The following UGT1A5 variants were observed in gnomAD, a reference collection of about 807,000 sequenced individuals.
UGT1A5 encodes UDP glucuronosyltransferase family 1 member A5.
UGT1A5 carries 29 observed loss-of-function variants against 40.3 expected under a neutral mutation model. That is an observed-to-expected ratio of 0.72 (90% CI 0.54 to 0.98). The LOEUF (loss-of-function observed/expected upper bound fraction) is 0.98. Among genes scored for constraint, UGT1A5 ranks in the 50% least tolerant of loss-of-function variants. The pLI, the probability that UGT1A5 is intolerant of heterozygous loss-of-function variation, is 0.00. For synonymous variants in UGT1A5, 257 were observed against 262.5 expected (o/e 0.98, Z 0.20); for missense variants, 678 against 677.9 (o/e 1.00, Z 0.00).
At chr2:233,764,548 G>A (rs1431186890) in intron 1 of UGT1A5, among the ~76,000 whole-genome samples, 1 of 152,168 alleles carries the variant, frequency 6.6e-6, no homozygotes, top group African/African-American at 2.4e-5. Context: ...TGGGCGTGTG[G>A]GAGGGTGTGC....
chr2:233,723,213 CT>C (rs201420005), intron 1 of UGT1A5, among the ~76,000 whole-genome samples: 4,186 of 88,020 alleles, frequency 0.048, 123 homozygotes, highest in African/African-American at 0.1. Context: ...TCAAAACTGA[CT>C]TTTTTTTTTT....
At chr2:233,760,155 CT>C (rs1697330158) in intron 1 of UGT1A5, 26 of 1,487,798 alleles carry the variant, frequency 1.7e-5, no homozygotes, top group Non-Finnish European at 2.3e-5. Flanking sequence ...GAACTCCCTG[CT>C]ACCTTTGTGG....
intron 1 of UGT1A5, among the ~76,000 whole-genome samples, chr2:233,728,166 GGAACCATTCTTATCAGAACTT>G (rs1169648713): frequency 6.6e-6 from 1 of 152,212 alleles, no homozygotes; most frequent in Non-Finnish European, 1.5e-5. Flanking sequence ...CTGTTCTGGA[GGAACCATTCTTATCAGAACTT>G]GGTGCTGGAT....
rs199541495 is a variant in UGT1A5, at chr2:233,713,270, G to T, written c.279G>T (p.Leu93Phe). ...CCCAGGACGAATTTGATCGCCTTTTGCTGGGTCACACTCAATCGTTCTTTG... is the reference window on the plus strand; with the variant it reads ...CCCAGGACGAATTTGATCGCCTTTTTCTGGGTCACACTCAATCGTTCTTTG... ...SWTQDEFDRL[L>F]LGHTQSFFET... Residue 93 changes from leucine to phenylalanine, a missense_variant, in exon 1 of 5, where the codon TTG (leucine) becomes TTT (phenylalanine). Transcript: ENST00000373414. 6.2e-7 allele frequency: 1 copy of T among 1,614,244 alleles called. No homozygotes were observed. The highest frequency in any genetic ancestry group is 2.2e-5 in the East Asian group (1 of 44,888).
At chr2:233,770,636 C>A (rs184236335) in intron 4 of UGT1A5, 1 of 149,556 alleles carries the variant, frequency 6.7e-6, no homozygotes, top group Non-Finnish European at 1.5e-5. Context: ...CCAGCCTGGG[C>A]GACAGAGTGA....
chr2:233,719,647 T>A, intron 1 of UGT1A5: 2 of 1,614,094 alleles, frequency 1.2e-6, no homozygotes, highest in South Asian at 2.2e-5. Flanking sequence ...ATGGTCTTCA[T>A]TGGGGGCATC....
intron 1 of UGT1A5, among the ~76,000 whole-genome samples, chr2:233,716,620 A>T (rs1358679333): frequency 6.6e-6 from 1 of 152,166 alleles, no homozygotes; most frequent in East Asian, 1.9e-4. Flanking sequence ...GGTTTATTCT[A>T]GTGAAGTTTT....
At chr2:233,727,806 G>A (rs543849298) in intron 1 of UGT1A5, among the ~76,000 whole-genome samples, 1 of 152,288 alleles carries the variant, frequency 6.6e-6, no homozygotes, top group East Asian at 1.9e-4. Flanking sequence ...TGTCCCATGG[G>A]TTCTGTCCAA....
intron 1 of UGT1A5, among the ~76,000 whole-genome samples, chr2:233,720,633 T>C (rs2076877142): frequency 6.6e-6 from 1 of 152,112 alleles, no homozygotes; most frequent in South Asian, 2.1e-4. Context: ...ATTGAAATAG[T>C]ACTCTGGGAT....
intron 1 of UGT1A5, chr2:233,761,072 A>T (rs1451879441): frequency 1.2e-6 from 2 of 1,614,208 alleles, no homozygotes; most frequent in Non-Finnish European, 1.7e-6. Flanking sequence ...GACTTTGTGA[A>T]GGATTACCCT....
intron 1 of UGT1A5, among the ~76,000 whole-genome samples, chr2:233,734,004 T>A (rs2078466874): frequency 6.6e-6 from 1 of 151,924 alleles, no homozygotes; most frequent in South Asian, 2.1e-4. Context: ...ATACCTAATG[T>A]TAAATGACGA....
At chr2:233,754,951 G>A (rs769037573) in intron 1 of UGT1A5, 2 of 1,320,818 alleles carry the variant, frequency 1.5e-6, no homozygotes, top group Non-Finnish European at 2.0e-6. Context: ...AATGGGTCCC[G>A]GCCGCCAAAG....
intron 1 of UGT1A5, among the ~76,000 whole-genome samples, chr2:233,749,072 C>A (rs570371111): frequency 6.6e-6 from 1 of 151,796 alleles, no homozygotes; most frequent in East Asian, 1.9e-4. Flanking sequence ...GTTTCTTATT[C>A]CTTGGTGTGC....
intron 4 of UGT1A5, chr2:233,771,323 A>G (rs112105474): frequency 2.6e-5 from 4 of 151,390 alleles, no homozygotes; most frequent in Admixed American, 6.6e-5. Flanking sequence ...CTCCTCTTCA[A>G]TCTCCTCTTC....
At chr2:233,771,865 A>G (rs1241166548) in intron 4 of UGT1A5, among the ~76,000 whole-genome samples, 1 of 149,352 alleles carries the variant, frequency 6.7e-6, no homozygotes, top group Non-Finnish European at 1.5e-5. Context: ...GATCAATAAC[A>G]TTTATTAAGA....
chr2:233,743,752 C>A, intron 1 of UGT1A5: 1 of 1,367,386 alleles, frequency 7.3e-7, no homozygotes, highest in Non-Finnish European at 9.8e-7. Context: ...CGTCCGACAA[C>A]ACCTCGTAGG....
At chr2:233,713,891 C>G in intron 1 of UGT1A5, 33 bp downstream of exon 1, 4 of 1,613,316 alleles carry the variant, frequency 2.5e-6, no homozygotes, top group African/African-American at 2.7e-5. Context: ...AATCAATGTT[C>G]CAGGCAAAAC....
chr2:233,762,256 A>G lies in UGT1A5; in HGVS notation c.868-4778A>G, dbSNP rs529163977. Among the ~76,000 whole-genome samples, 14 of 152,334 alleles carry G rather than the reference A, an allele frequency of 9.2e-5. No homozygotes were observed. In the South Asian group the frequency reaches 1.5e-3, roughly 16 times the overall value. On this transcript the variant is annotated intron_variant, in intron 1 of 4. Coordinates refer to ENST00000373414, the MANE Select transcript of UGT1A5 (RefSeq NM_019078.2). ...AAGGCACAGAATAGGCACCCACCGA[A>G]TATGTGTTACATTAATGAATGAGAA...
intron 1 of UGT1A5, among the ~76,000 whole-genome samples, chr2:233,732,755 G>GTTTTT (rs956485327): frequency 8.3e-6 from 1 of 120,224 alleles, no homozygotes; most frequent in African/African-American, 3.0e-5. Flanking sequence ...CACCAGCTTT[G>GTTTTT]TTTTTTTTTT....
Sources: gnomAD v4.1 joint callset for allele counts (sites outside exome capture counted in the v4.1 genomes callset) on GRCh38, gnomAD v4.1.1 for gene constraint, MANE v1.5 for transcripts, NCBI Gene and HGNC (gene_info 2026-07-23, HGNC 2026-07-21) for gene names.